Variants in PTCHD4 observed in about 807,000 individuals in gnomAD.
PTCHD4 encodes patched domain-containing protein 4.
Under a neutral mutation model 58.1 loss-of-function variants are expected in PTCHD4, and 33 were observed. The observed-to-expected ratio is 0.57, with a 90% CI of 0.43 to 0.76. The LOEUF (loss-of-function observed/expected upper bound fraction) is 0.76, where lower values mean the gene tolerates loss of function less well. PTCHD4 is among the 30% of genes least tolerant of loss of function. PTCHD4 has a pLI of 0.00. For missense variants in PTCHD4, 1,058 were observed against 1,027.1 expected (o/e 1.03, Z -0.41); for synonymous variants, 478 against 409.6 (o/e 1.17, Z -2.02).
chr6:47,987,924 C>T (rs1050656495), intron 4 of PTCHD4, among the ~76,000 whole-genome samples: 9 of 151,988 alleles, frequency 5.9e-5, no homozygotes, highest in Middle Eastern at 3.2e-3. Context: ...TATAGATGTG[C>T]ATCACCGTAC....
At chr6:47,888,760 A>G in intron 4 of PTCHD4, among the ~76,000 whole-genome samples, 1 of 141,500 alleles carries the variant, frequency 7.1e-6, no homozygotes, top group African/African-American at 2.6e-5. Flanking sequence ...GCACCCACTA[A>G]CTCGTCATCT....
chr6:47,876,698 G>A lies in PTCHD4; in HGVS notation c.*1605C>T, dbSNP rs1391754630. Among the ~76,000 whole-genome samples, 2 of 151,902 alleles carry A rather than the reference G, an allele frequency of 1.3e-5. No individual in the cohort carries two copies. Among genetic ancestry groups the A allele is most frequent in the African/African-American group, 4.8e-5 (2 of 41,390 alleles). On this transcript the variant is annotated 3_prime_UTR_variant, in exon 5 of 5. Coordinates refer to ENST00000339488, the MANE Select transcript of PTCHD4 (RefSeq NM_001384253.1). ...CTTACTAGCAGATTTTATAATCATC[G>A]GACATTTATTCTGTCCTACCTGGAA...
At chr6:48,080,391 C>T (rs1415343132) in intron 1 of PTCHD4, among the ~76,000 whole-genome samples, 1 of 152,172 alleles carries the variant, frequency 6.6e-6, no homozygotes, top group Admixed American at 6.5e-5. Context: ...TAGGCAAAAT[C>T]AATAGGCATT....
At chr6:48,087,833 C>A (rs1765291170) in intron 1 of PTCHD4, among the ~76,000 whole-genome samples, 1 of 152,130 alleles carries the variant, frequency 6.6e-6, no homozygotes, top group Admixed American at 6.5e-5. Flanking sequence ...GCCAGTAAGA[C>A]AAGGGTCAGT....
chr6:47,897,878 T>C (rs567352690), intron 4 of PTCHD4, among the ~76,000 whole-genome samples: 9 of 151,978 alleles, frequency 5.9e-5, no homozygotes, highest in African/African-American at 1.4e-4. Context: ...ATATACCACA[T>C]TGAAGCTGCG....
chr6:48,007,842 C>G (rs904727040), intron 4 of PTCHD4, among the ~76,000 whole-genome samples: 1 of 152,204 alleles, frequency 6.6e-6, no homozygotes, highest in African/African-American at 2.4e-5. Flanking sequence ...ATCATCATCT[C>G]TTTTCTGATA....
chr6:47,998,138 G>A (rs1581993867), intron 4 of PTCHD4, among the ~76,000 whole-genome samples: 1 of 151,824 alleles, frequency 6.6e-6, no homozygotes, highest in East Asian at 1.9e-4. Context: ...TTTTTTCTTG[G>A]GACATTCTGA....
chr6:48,088,690 A>T (rs750914305), intron 1 of PTCHD4, among the ~76,000 whole-genome samples: 4 of 152,202 alleles, frequency 2.6e-5, no homozygotes, highest in Admixed American at 1.3e-4. Flanking sequence ...TGTTTCACAC[A>T]GTCAGAATTA....
At chr6:48,009,933 G>A (rs1184375261) in intron 3 of PTCHD4, among the ~76,000 whole-genome samples, 2 of 152,210 alleles carry the variant, frequency 1.3e-5, no homozygotes, top group South Asian at 2.1e-4. Context: ...ATTGGTAAGA[G>A]AAGCAATCAC....
intron 3 of PTCHD4, among the ~76,000 whole-genome samples, chr6:48,058,699 A>G (rs1374572636): frequency 6.6e-6 from 1 of 152,224 alleles, no homozygotes; most frequent in East Asian, 1.9e-4. Context: ...CTCTATTTAG[A>G]ATATCATAAA....
At chr6:48,035,213 T>C (rs1431068236) in intron 3 of PTCHD4, among the ~76,000 whole-genome samples, 3 of 152,102 alleles carry the variant, frequency 2.0e-5, no homozygotes, top group African/African-American at 7.2e-5. Context: ...TTGAAACACG[T>C]ACTTGGAAGA....
chr6:47,980,672 A>T (rs183567127), intron 4 of PTCHD4, among the ~76,000 whole-genome samples: 1 of 151,986 alleles, frequency 6.6e-6, no homozygotes, highest in Non-Finnish European at 1.5e-5. Context: ...ATTTATAATG[A>T]TAAAGTTTCA....
At chr6:48,059,744 T>C (rs1764551283) in intron 3 of PTCHD4, among the ~76,000 whole-genome samples, 1 of 152,146 alleles carries the variant, frequency 6.6e-6, no homozygotes, top group Non-Finnish European at 1.5e-5. Flanking sequence ...ATGCTGACTC[T>C]CAAGAAATTC....
At chr6:48,095,057 G>T (rs1344123841) in intron 1 of PTCHD4, among the ~76,000 whole-genome samples, 1 of 152,144 alleles carries the variant, frequency 6.6e-6, no homozygotes, top group African/African-American at 2.4e-5. Context: ...ATGGACATGA[G>T]AAAATTTTCG....
At chr6:47,940,876 A>G (rs1766190662) in intron 4 of PTCHD4, among the ~76,000 whole-genome samples, 1 of 152,192 alleles carries the variant, frequency 6.6e-6, no homozygotes, top group Admixed American at 6.5e-5. Flanking sequence ...TCAATATTAA[A>G]ATGTGAAAGG....
intron 3 of PTCHD4, among the ~76,000 whole-genome samples, chr6:48,031,547 C>A (rs1208962141): frequency 2.0e-5 from 3 of 152,094 alleles, no homozygotes; most frequent in African/African-American, 4.8e-5. Flanking sequence ...AGCTTACAGA[C>A]TGTGGCTAAA....
intron 3 of PTCHD4, among the ~76,000 whole-genome samples, chr6:48,044,005 T>C (rs1763943682): frequency 1.3e-5 from 2 of 151,806 alleles, no homozygotes; most frequent in Non-Finnish European, 2.9e-5. Flanking sequence ...TGAATAAGAA[T>C]AGGAACCTTG....
At chr6:48,042,284 A>T (rs545488092) in intron 3 of PTCHD4, among the ~76,000 whole-genome samples, 2 of 152,142 alleles carry the variant, frequency 1.3e-5, no homozygotes, top group South Asian at 4.1e-4. Context: ...GCTTCCTATC[A>T]GGCAGTGTGC....
intron 3 of PTCHD4, among the ~76,000 whole-genome samples, chr6:48,038,663 CA>C (rs11417903): frequency 0.019 from 2,306 of 120,090 alleles, 43 homozygotes; most frequent in African/African-American, 0.057. Flanking sequence ...AAGTCTGTCT[CA>C]AAAAAAAAAA....
Sources: gnomAD v4.1 joint callset for allele counts (sites outside exome capture counted in the v4.1 genomes callset) on GRCh38, gnomAD v4.1.1 for gene constraint, MANE v1.5 for transcripts, NCBI Gene and HGNC (gene_info 2026-07-23, HGNC 2026-07-21) for gene names.